The following TRPC7 variants were observed in gnomAD, a reference collection of about 807,000 sequenced individuals.
TRPC7 encodes the protein short transient receptor potential channel 7.
A neutral mutation model predicts 90.1 loss-of-function variants in TRPC7; 42 were observed. The ratio of observed to expected loss-of-function variants is 0.47; its 90% confidence interval spans 0.36 to 0.60. The LOEUF (loss-of-function observed/expected upper bound fraction) is 0.60. TRPC7 is among the 20% of genes least tolerant of loss of function. The probability of loss-of-function intolerance (pLI) is 0.00; values close to 1 mark genes in which losing one functional copy is unlikely to be tolerated. For synonymous variants in TRPC7, 451 were observed against 436.3 expected (o/e 1.03, Z -0.42); for missense variants, 955 against 1,112.3 (o/e 0.86, Z 2.01).
At position 136,346,547 on chromosome 5, in the gene TRPC7, CA is replaced by C. The variant is rs1561728070; in HGVS notation, c.780+10060del. ...ATACACCATGTACACATACAACACA[CA>C]CATGTACACATACACACAACACACA... On this transcript the variant is annotated intron_variant, in intron 2 of 11. Transcript: ENST00000513104. Among the ~76,000 whole-genome samples the C allele has an allele frequency of 1.7e-4, 26 of 152,264 alleles. No individual in the cohort carries two copies. In the Middle Eastern group the frequency reaches 0.014, roughly 80 times the overall value.
chr5:136,282,786 C>G (rs1423375886), intron 3 of TRPC7, among the ~76,000 whole-genome samples: 1 of 152,134 alleles, frequency 6.6e-6, no homozygotes, highest in Non-Finnish European at 1.5e-5. Context: ...AAACCTAGTA[C>G]CATTGGCAGA....
At position 136,316,042 on chromosome 5, in the gene TRPC7, G is replaced by T. The variant is rs1213093390; in HGVS notation, c.781-263C>A. 10 of 426,010 alleles carry T rather than the reference G, an allele frequency of 2.3e-5. No individual in the cohort carries two copies. The Admixed American group carries it at 3.6e-4, about 15-fold the overall frequency. 26.4% of individuals were successfully genotyped at this position (426,010 alleles called of 1,614,324 possible). ...CACCTGCATCAGAGTCACCTTAGCT[G>T]CGTGCTAAAGTTGCAGATTCCCAGG... On this transcript the variant is annotated intron_variant, in intron 2 of 11. Transcript: ENST00000513104.
chr5:136,261,316 A>G lies in TRPC7; in HGVS notation c.1345+4904T>C, dbSNP rs537049146. On this transcript the variant is annotated intron_variant, in intron 5 of 11. Coordinates refer to ENST00000513104, the MANE Select transcript of TRPC7 (RefSeq NM_020389.3). ...ATGTATAATATAGTGCCTAATAACT[A>G]GAAAATATTTATTGAGTAAAAAATT... Among the ~76,000 whole-genome samples, 337 of 152,376 alleles carry G rather than the reference A, an allele frequency of 2.2e-3. 1 individual carries two copies. Among genetic ancestry groups the G allele is most frequent in the African/African-American group, 7.4e-3 (306 of 41,588 alleles).
At chr5:136,333,321 G>A (rs924580920) in intron 2 of TRPC7, among the ~76,000 whole-genome samples, 2 of 152,102 alleles carry the variant, frequency 1.3e-5, no homozygotes, top group African/African-American at 4.8e-5. Flanking sequence ...GGCATTCCAA[G>A]CTGAGGACAG....
At chr5:136,266,526 C>A in intron 4 of TRPC7, 90 bp from the exon 5 acceptor site, 1 of 1,161,780 alleles carries the variant, frequency 8.6e-7, no homozygotes, top group Non-Finnish European at 1.2e-6. Context: ...AAAGTTTAAC[C>A]AGAGAATCCT....
chr5:136,252,352 T>TTTTTG (rs145503628), intron 5 of TRPC7, among the ~76,000 whole-genome samples: 3 of 152,084 alleles, frequency 2.0e-5, no homozygotes, highest in Non-Finnish European at 4.4e-5. Flanking sequence ...AGAACCCAGT[T>TTTTTG]TTTTGTTTTG....
Position 136,269,058 on chromosome 5 carries a change from C to T in TRPC7, c.1129-2622G>A, listed in dbSNP as rs74892475. Among the ~76,000 whole-genome samples, 4 of 152,292 alleles carry T rather than the reference C, an allele frequency of 2.6e-5. No homozygotes were observed. The East Asian group carries it at 5.8e-4, about 22-fold the overall frequency. ...AGTCAACCAATATATGCTAGCAGCT[C>T]TTAGCTGCAGAATCGTTAAAGCTGG... is the stretch of plus-strand genomic sequence containing the variant. On this transcript the variant is annotated intron_variant, in intron 4 of 11. Coordinates refer to ENST00000513104, the MANE Select transcript of TRPC7 (RefSeq NM_020389.3).
At chr5:136,267,644 C>T (rs1050619780) in intron 4 of TRPC7, among the ~76,000 whole-genome samples, 4 of 152,162 alleles carry the variant, frequency 2.6e-5, no homozygotes, top group African/African-American at 9.7e-5. Context: ...TTTTAATGTG[C>T]TTCAGTATGT....
chr5:136,229,506 AG>A (rs1257244490), intron 8 of TRPC7, among the ~76,000 whole-genome samples: 1 of 152,188 alleles, frequency 6.6e-6, no homozygotes, highest in Non-Finnish European at 1.5e-5. Context: ...AGCCTTTAAA[AG>A]GTGACTGAAG....
intron 2 of TRPC7, among the ~76,000 whole-genome samples, chr5:136,331,584 A>G (rs1343021881): frequency 6.6e-6 from 1 of 152,226 alleles, no homozygotes; most frequent in Non-Finnish European, 1.5e-5. Flanking sequence ...AAATAAACCC[A>G]ACTGGTAAGC....
intron 2 of TRPC7, among the ~76,000 whole-genome samples, chr5:136,324,466 T>C (rs995963713): frequency 6.6e-6 from 1 of 152,198 alleles, no homozygotes; most frequent in African/African-American, 2.4e-5. Context: ...ATTTATTTCT[T>C]GCTCTCTGTT....
At chr5:136,348,585 G>T (rs1342902036) in intron 2 of TRPC7, among the ~76,000 whole-genome samples, 1 of 152,114 alleles carries the variant, frequency 6.6e-6, no homozygotes, top group African/African-American at 2.4e-5. Flanking sequence ...AGGTCCTTGA[G>T]GGCAGGAACT....
intron 3 of TRPC7, among the ~76,000 whole-genome samples, chr5:136,309,554 T>C (rs1447370711): frequency 2.6e-5 from 4 of 152,174 alleles, no homozygotes; most frequent in African/African-American, 9.7e-5. Flanking sequence ...TTCTGGTCCT[T>C]CTTGTGAAGG....
intron 3 of TRPC7, 112 bp from the exon 4 acceptor site, chr5:136,274,949 G>A: frequency 3.1e-6 from 4 of 1,289,296 alleles, no homozygotes; most frequent in Non-Finnish European, 4.2e-6. Flanking sequence ...CTCCACCTGG[G>A]GGGTGGTTGA....
At chr5:136,305,606 A>G (rs1160253093) in intron 3 of TRPC7, among the ~76,000 whole-genome samples, 3 of 152,122 alleles carry the variant, frequency 2.0e-5, no homozygotes, top group Admixed American at 6.6e-5. Context: ...TCACTGAATA[A>G]GTAAAGGCCT....
intron 7 of TRPC7, among the ~76,000 whole-genome samples, chr5:136,239,636 G>A (rs1756094738): frequency 6.6e-6 from 1 of 152,152 alleles, no homozygotes; most frequent in African/African-American, 2.4e-5. Flanking sequence ...GATCCCCTTT[G>A]CAGCCATAGC....
At chr5:136,290,443 T>C (rs1483191453) in intron 3 of TRPC7, among the ~76,000 whole-genome samples, 1 of 152,120 alleles carries the variant, frequency 6.6e-6, no homozygotes, top group African/African-American at 2.4e-5. Flanking sequence ...GAGAAGTCCT[T>C]AAAGGACCTG....
At chr5:136,284,791 G>A (rs1415844573) in intron 3 of TRPC7, among the ~76,000 whole-genome samples, 1 of 152,188 alleles carries the variant, frequency 6.6e-6, no homozygotes, top group African/African-American at 2.4e-5. Flanking sequence ...CTACACCCAG[G>A]CCACTGAGAG....
chr5:136,349,858 G>T (rs752072709), intron 2 of TRPC7, among the ~76,000 whole-genome samples: 4 of 152,304 alleles, frequency 2.6e-5, no homozygotes, highest in Middle Eastern at 3.4e-3. Flanking sequence ...TATGACAGTG[G>T]TCCCATGAGA....
Sources: gnomAD v4.1 joint callset for allele counts (sites outside exome capture counted in the v4.1 genomes callset) on GRCh38, gnomAD v4.1.1 for gene constraint, MANE v1.5 for transcripts, NCBI Gene and HGNC (gene_info 2026-07-23, HGNC 2026-07-21) for gene names.